Variants in AGBL4 observed in about 807,000 individuals in gnomAD.
AGBL4 encodes cytosolic carboxypeptidase 6.
In AGBL4, 58 loss-of-function variants were observed where a neutral mutation model predicts 66.4. The ratio of observed to expected loss-of-function variants is 0.87; its 90% CI spans 0.71 to 1.09. AGBL4 has a LOEUF of 1.09. AGBL4 is among the 50% of genes least tolerant of loss of function. The pLI is 0.00. For missense variants in AGBL4, 579 were observed against 631.0 expected, an observed-to-expected ratio of 0.92 and a Z score of 0.88; for synonymous variants, 234 against 222.9, an observed-to-expected ratio of 1.05 and a Z score of -0.44.
chr1:49,109,487 G>A (rs543045818), intron 4 of AGBL4, among the ~76,000 whole-genome samples: 17 of 152,148 alleles, frequency 1.1e-4, no homozygotes, highest in East Asian at 1.9e-4. Flanking sequence ...CACCTTCTCC[G>A]TCCTTCCTTC....
At chr1:49,724,021 T>C (rs986383379) in intron 2 of AGBL4, among the ~76,000 whole-genome samples, 1 of 152,032 alleles carries the variant, frequency 6.6e-6, no homozygotes, top group Non-Finnish European at 1.5e-5. Context: ...AGAGTAAGGG[T>C]AGAATAGGAA....
chr1:48,872,611 T>G (rs1648789660), intron 5 of AGBL4, among the ~76,000 whole-genome samples: 1 of 152,150 alleles, frequency 6.6e-6, no homozygotes, highest in Non-Finnish European at 1.5e-5. Context: ...TTTTATTTTT[T>G]CATATCTGAA....
chr1:48,803,019 T>C (rs1177211015), intron 6 of AGBL4, among the ~76,000 whole-genome samples: 5 of 152,110 alleles, frequency 3.3e-5, no homozygotes, highest in African/African-American at 1.2e-4. Flanking sequence ...TATAGGTCCT[T>C]GAGTATCTGA....
intron 1 of AGBL4, among the ~76,000 whole-genome samples, chr1:49,856,222 G>A (rs1181403401): frequency 6.6e-6 from 1 of 152,036 alleles, no homozygotes; most frequent in Non-Finnish European, 1.5e-5. Flanking sequence ...GATTAATAAT[G>A]AGTAGTAAGA....
intron 1 of AGBL4, among the ~76,000 whole-genome samples, chr1:49,875,174 A>C (rs1382816552): frequency 1.4e-5 from 2 of 147,404 alleles, no homozygotes; most frequent in South Asian, 2.1e-4. Flanking sequence ...TTTTAATTAT[A>C]CTTTAAGTTT....
At chr1:49,834,958 C>G (rs1477130035) in intron 2 of AGBL4, among the ~76,000 whole-genome samples, 1 of 152,110 alleles carries the variant, frequency 6.6e-6, no homozygotes, top group Non-Finnish European at 1.5e-5. Context: ...AATTTCCATT[C>G]TTTTGCATTT....
chr1:48,711,165 G>A (rs1646961741), intron 6 of AGBL4, among the ~76,000 whole-genome samples: 1 of 152,190 alleles, frequency 6.6e-6, no homozygotes, highest in Non-Finnish European at 1.5e-5. Flanking sequence ...CATCCACAGA[G>A]TCTACTGACT....
At chr1:49,587,419 T>C (rs1571114006) in intron 3 of AGBL4, among the ~76,000 whole-genome samples, 1 of 152,210 alleles carries the variant, frequency 6.6e-6, no homozygotes, top group Non-Finnish European at 1.5e-5. Context: ...ATGCTGCTTA[T>C]CTTATTGAGA....
rs1390941868 is a variant in AGBL4, at chr1:49,917,111, G to A, written c.35-65593C>T. On this transcript the variant is annotated intron_variant, in intron 1 of 13. Coordinates refer to ENST00000371839, the MANE Select transcript of AGBL4 (RefSeq NM_032785.4). ...CACTAAACATGCAAAGGAACAACCG[G>A]TACCAGCCACTGCAAAATCATGCCA... 2.6e-5 allele frequency among the ~76,000 whole-genome samples: 4 copies of A among 152,258 alleles called. No homozygotes were observed. In the East Asian group the frequency reaches 5.8e-4, roughly 22 times the overall value.
chr1:48,689,219 A>AG lies in AGBL4; in HGVS notation c.635-25979_635-25978insC, dbSNP rs1553207683. ...ACCCGGTCTCAAAAAAAAAAAAAAA[A>AG]AAAAGAAAAGAAAAGAAAAGAAACA... On this transcript the variant is annotated intron_variant, in intron 6 of 13. Coordinates refer to ENST00000371839, the MANE Select transcript of AGBL4 (RefSeq NM_032785.4). Among the ~76,000 whole-genome samples the AG allele has an allele frequency of 3.0e-3, 424 of 141,530 alleles. 1 individual carries two copies. The highest frequency in any genetic ancestry group is 0.01 in the African/African-American group (330 of 32,324). 92.8% of individuals were successfully genotyped at this position (141,530 alleles called of 152,430 possible).
chr1:49,809,275 T>G (rs1645043712), intron 2 of AGBL4, among the ~76,000 whole-genome samples: 1 of 151,712 alleles, frequency 6.6e-6, no homozygotes, highest in Non-Finnish European at 1.5e-5. Context: ...TCATTTACAT[T>G]AGGTATTTCT....
chr1:49,041,240 A>T (rs534480258), intron 5 of AGBL4, among the ~76,000 whole-genome samples: 9 of 152,174 alleles, frequency 5.9e-5, no homozygotes, highest in Admixed American at 5.2e-4. Flanking sequence ...TTCGAATTGG[A>T]ATAAGGATTA....
intron 6 of AGBL4, among the ~76,000 whole-genome samples, chr1:48,745,518 C>T (rs555647685): frequency 1.3e-5 from 2 of 152,272 alleles, no homozygotes; most frequent in East Asian, 3.9e-4. Context: ...TCAGACTCCA[C>T]TCTAGGCAAA....
chr1:49,518,133 T>C (rs1649978452), intron 3 of AGBL4, among the ~76,000 whole-genome samples: 1 of 152,060 alleles, frequency 6.6e-6, no homozygotes, highest in Non-Finnish European at 1.5e-5. Context: ...ATAATTAACA[T>C]ACAATGTGAT....
At position 49,666,216 on chromosome 1, in the gene AGBL4, G is replaced by A. The variant is rs186332499; in HGVS notation, c.282+31097C>T. On this transcript the variant is annotated intron_variant, in intron 3 of 13. Transcript: ENST00000371839. ...ATGTCTAGCAACTACCAGGCTCATA[G>A]GAGGCATTCAACAAATGTTCATTGA... 1.6e-3 allele frequency among the ~76,000 whole-genome samples: 249 copies of A among 152,094 alleles called. 1 individual carries two copies. Among genetic ancestry groups the A allele is most frequent in the African/African-American group, 5.6e-3 (233 of 41,484 alleles).
chr1:48,635,237 A>G (rs1245773172), intron 8 of AGBL4, among the ~76,000 whole-genome samples: 3 of 152,152 alleles, frequency 2.0e-5, no homozygotes, highest in Non-Finnish European at 4.4e-5. Context: ...ACATAGGTTT[A>G]TGTTCTTTCC....
At chr1:48,878,009 A>G (rs1649389885) in intron 5 of AGBL4, among the ~76,000 whole-genome samples, 1 of 152,180 alleles carries the variant, frequency 6.6e-6, no homozygotes, top group African/African-American at 2.4e-5. Flanking sequence ...ATATAACTTC[A>G]CTCAGAAGTT....
At chr1:48,630,545 C>T (rs1174236710) in intron 9 of AGBL4, among the ~76,000 whole-genome samples, 1 of 152,182 alleles carries the variant, frequency 6.6e-6, no homozygotes, top group African/African-American at 2.4e-5. Flanking sequence ...CACCATGTCC[C>T]TTAGGTCTGG....
At chr1:49,029,558 A>G (rs1664040326) in intron 5 of AGBL4, among the ~76,000 whole-genome samples, 1 of 152,200 alleles carries the variant, frequency 6.6e-6, no homozygotes, top group Non-Finnish European at 1.5e-5. Context: ...AAAACATCCC[A>G]CATTCATGCA....
Sources: allele counts gnomAD v4.1 joint callset (sites outside exome capture counted in the v4.1 genomes callset), GRCh38; gene constraint gnomAD v4.1.1; transcripts MANE v1.5; gene names NCBI Gene and HGNC (gene_info 2026-07-23, HGNC 2026-07-21).